EXD3: variants seen among roughly 807,000 people sequenced by gnomAD.
EXD3 encodes the protein exonuclease 3'-5' domain containing 3, also known as exonuclease mut-7 homolog.
EXD3 carries 92 observed loss-of-function variants against 98.0 expected under a neutral mutation model. The observed-to-expected ratio is 0.94, with a 90% confidence interval of 0.79 to 1.12. The LOEUF (loss-of-function observed/expected upper bound fraction) is 1.12, where lower values mean the gene tolerates loss of function less well. Among genes scored for constraint, EXD3 ranks in the 50% most tolerant of loss-of-function variants. EXD3 has a pLI of 0.00. For missense variants in EXD3, 1,222 were observed against 1,191.6 expected (o/e 1.03, Z -0.38); for synonymous variants, 569 against 526.0 (o/e 1.08, Z -1.12).
intron 2 of EXD3, among the ~76,000 whole-genome samples, chr9:137,384,853 A>G (rs540498896): frequency 1.3e-5 from 2 of 152,326 alleles, no homozygotes; most frequent in South Asian, 2.1e-4. Context: ...GCACTTTGGG[A>G]GGCCGAGGCA....
chr9:137,349,182 C>T lies in EXD3; in HGVS notation c.1758G>A (p.Arg586=), dbSNP rs1486136765. 1.3e-6 allele frequency: 2 copies of T among 1,591,116 alleles called. No individual in the cohort carries two copies. Among genetic ancestry groups the T allele is most frequent in the Non-Finnish European group, 1.7e-6 (2 of 1,174,776 alleles). The change falls in exon 16 of 22, where the codon AGG becomes AGA. Residue 586 remains arginine (R), a synonymous_variant. Coordinates refer to ENST00000340951, the MANE Select transcript of EXD3 (RefSeq NM_017820.5). The surrounding 1 kb of genome is among the most constrained non-coding windows in gnomAD (Gnocchi z 7.4). ...SEDLAGSRRP[R]HRERPGARKP... ...TCCGTGCCCCTGGTCTCTCTCTGTGCCTGGGCCTCCGGCTCCCAGCCAGGT... is the reference window on the plus strand; with the variant it reads ...TCCGTGCCCCTGGTCTCTCTCTGTGTCTGGGCCTCCGGCTCCCAGCCAGGT...
Position 137,371,693 on chromosome 9 carries a change from G to A in EXD3, c.462+1212C>T, listed in dbSNP as rs1564521612. Among the ~76,000 whole-genome samples, 1 of 150,610 alleles carries A rather than the reference G, an allele frequency of 6.6e-6. No homozygotes were observed. The highest frequency in any genetic ancestry group is 6.6e-5 in the Admixed American group (1 of 15,122). ...GAGCACCCCCAGGCCAGGCACCCCC[G>A]GGGCTGGGCACCCCCAGGCAGGACA... On this transcript the variant is annotated intron_variant, in intron 5 of 21. Transcript: ENST00000340951. The surrounding 1 kb of genome is among the most constrained non-coding windows in gnomAD (Gnocchi z 8.0).
chr9:137,313,663 T>C (rs1831482503), intron 19 of EXD3, among the ~76,000 whole-genome samples: 1 of 152,106 alleles, frequency 6.6e-6, no homozygotes, highest in Non-Finnish European at 1.5e-5. Context: ...GCTGGGGCCC[T>C]GGCCTGGGTG....
Position 137,395,550 on chromosome 9 carries a change from C to A in EXD3, c.-47-146G>T. On this transcript the variant is annotated intron_variant, in intron 1 of 21. Coordinates refer to ENST00000340951, the MANE Select transcript of EXD3 (RefSeq NM_017820.5). This position sits in a 1 kb window ranked among gnomAD's most constrained non-coding sequence, Gnocchi z 6.5. ...ACCCCCAGTCGCTGAGCATAGCGGGCAGCTCCACACTCCTCTCCCAGCTGG... is the reference window on the plus strand; with the variant it reads ...ACCCCCAGTCGCTGAGCATAGCGGGAAGCTCCACACTCCTCTCCCAGCTGG... 2 of 691,148 alleles carry A rather than the reference C, an allele frequency of 2.9e-6. No homozygotes were observed. Among genetic ancestry groups the A allele is most frequent in the Non-Finnish European group, 4.8e-6 (2 of 413,992 alleles). The allele number at this position is 691,148 out of a possible 1,614,324, so 42.8% of individuals were successfully genotyped here.
rs1834029682 is a variant in EXD3, at chr9:137,348,114, G to A, written c.1955C>T (p.Ala652Val). ...GTCTTCACCATTGCCCAGCATGCGTGCATCCACACCGAGACAGCGGAGGCT... is the reference window on the plus strand; with the variant it reads ...GTCTTCACCATTGCCCAGCATGCGTACATCCACACCGAGACAGCGGAGGCT... ...ARSLRCLGVD[A>V]RMLGNGEDHR... Residue 652 changes from alanine (A) to valine (V), a missense_variant, in exon 17 of 22, where the codon GCA (alanine) becomes GTA (valine). Physicochemically the swap from Ala to Val is moderately conservative, Grantham distance 64 (BLOSUM62 0). Transcript: ENST00000340951. 4 of 1,612,008 alleles carry A rather than the reference G, an allele frequency of 2.5e-6. No homozygotes were observed.
At chr9:137,339,920 A>C (rs577333181) in intron 17 of EXD3, among the ~76,000 whole-genome samples, 25 of 152,338 alleles carry the variant, frequency 1.6e-4, no homozygotes, top group African/African-American at 5.5e-4. Flanking sequence ...AAAAGATATA[A>C]GGATTGGAAA....
At chr9:137,354,546 C>T (rs1276724870) in intron 9 of EXD3, 154 bp downstream of exon 9, 3 of 1,535,996 alleles carry the variant, frequency 2.0e-6, no homozygotes, top group African/African-American at 1.4e-5. Flanking sequence ...CTCCCCTTCA[C>T]CCAGGCCTGG....
rs374214809 is a variant in EXD3 at position 137,351,471 on chromosome 9, G to A, written c.1231C>T (p.Arg411Trp). The change falls in exon 13 of 22, where the codon CGG becomes TGG. Residue 411 changes from arginine (R) to tryptophan (W), a missense_variant. Physicochemically the swap from Arg to Trp is moderately radical, Grantham distance 101. Coordinates refer to ENST00000340951, the MANE Select transcript of EXD3 (RefSeq NM_017820.5). Reference protein sequence around the residue: ...EWTPVFVAGGRPRPSLLQVAV... With the variant: ...EWTPVFVAGGWPRPSLLQVAV... ...ACCTGCAGGAGTGACGGCCGAGGCC[G>A]GCCCCCAGCAACAAACACAGGTGTC... 1.6e-4 allele frequency: 256 copies of A among 1,600,184 alleles called. No homozygotes were observed. Among genetic ancestry groups the A allele is most frequent in the Non-Finnish European group, 2.1e-4 (246 of 1,174,976 alleles).
Position 137,395,257 on chromosome 9 carries a change from C to T in EXD3, c.55+46G>A. ...CCCCCCATGCACACCCACGCACCTC[C>T]CCCCACAGCCCCAGGGAGACTCGGC... On this transcript the variant is annotated intron_variant, in intron 2 of 21. Coordinates refer to ENST00000340951, the MANE Select transcript of EXD3 (RefSeq NM_017820.5). This position sits in a 1 kb window ranked among gnomAD's most constrained non-coding sequence, Gnocchi z 6.5. The T allele has an allele frequency of 1.9e-6, 3 of 1,569,156 alleles. No homozygotes were observed. The highest frequency in any genetic ancestry group is 2.6e-6 in the Non-Finnish European group (3 of 1,139,948).
intron 17 of EXD3, among the ~76,000 whole-genome samples, chr9:137,335,916 A>T (rs73581517): frequency 0.015 from 2,317 of 152,178 alleles, 36 homozygotes; most frequent in African/African-American, 0.051. Context: ...TGAGTGGATT[A>T]AAAAAATGTG....
intron 1 of EXD3, among the ~76,000 whole-genome samples, chr9:137,416,811 G>T (rs1838253114): frequency 6.6e-6 from 1 of 151,774 alleles, no homozygotes; most frequent in African/African-American, 2.4e-5. Flanking sequence ...TCGCGAGCTC[G>T]CAGGGGTGCT....
At chr9:137,314,144 C>T (rs35799288) in intron 19 of EXD3, among the ~76,000 whole-genome samples, 29,466 of 152,098 alleles carry the variant, frequency 0.19, 3,406 homozygotes, top group Middle Eastern at 0.27. Flanking sequence ...CTGGACAGGG[C>T]GAGCCAGCGG....
chr9:137,325,049 A>T (rs1351410259), intron 17 of EXD3, among the ~76,000 whole-genome samples: 1 of 152,166 alleles, frequency 6.6e-6, no homozygotes, highest in East Asian at 1.9e-4. Flanking sequence ...AAGCTTCAGT[A>T]TGAATTTCTG....
rs1195076777 is a variant in EXD3, at chr9:137,351,132, C to T, written c.1400G>A (p.Gly467Glu). 3 of 1,578,498 alleles carry T rather than the reference C, an allele frequency of 1.9e-6. No homozygotes were observed. The highest frequency in any genetic ancestry group is 1.8e-5 in the Admixed American group (1 of 55,034). ...GGACGTGCCCAGTTTTTGCAGGTCC[C>T]CCACCATCCCGTAGCCTGTGGGCAG... ...SITKLGYGMV[G>E]DLQKLGTSCP... is the part of the protein sequence containing the mutation. Residue 467 changes from glycine (G) to glutamate (E), a missense_variant, in exon 14 of 22, where the codon GGG becomes GAG. Coordinates refer to ENST00000340951, the MANE Select transcript of EXD3 (RefSeq NM_017820.5).
intron 7 of EXD3, among the ~76,000 whole-genome samples, chr9:137,358,519 C>G (rs1208312349): frequency 1.3e-5 from 2 of 152,206 alleles, no homozygotes; most frequent in East Asian, 3.8e-4. Flanking sequence ...GTTCAGCACT[C>G]TCAGGCCTCC....
At chr9:137,337,632 C>A (rs1000106661) in intron 17 of EXD3, among the ~76,000 whole-genome samples, 7 of 150,924 alleles carry the variant, frequency 4.6e-5, no homozygotes, top group African/African-American at 1.7e-4. Flanking sequence ...GCCTGGGCGA[C>A]AGAGCGAGAT....
intron 7 of EXD3, among the ~76,000 whole-genome samples, chr9:137,363,806 T>G (rs1056909270): frequency 1.3e-5 from 2 of 152,166 alleles, no homozygotes; most frequent in African/African-American, 4.8e-5. Context: ...TTTGGTAAAT[T>G]GTATTTTTCA....
At chr9:137,341,495 C>T (rs1833651912) in intron 17 of EXD3, among the ~76,000 whole-genome samples, 2 of 151,640 alleles carry the variant, frequency 1.3e-5, no homozygotes, top group African/African-American at 2.4e-5. Flanking sequence ...ACCCAGGAAA[C>T]GGGGCTCAGG....
intron 19 of EXD3, among the ~76,000 whole-genome samples, chr9:137,310,305 G>T (rs1249555005): frequency 6.6e-6 from 1 of 152,154 alleles, no homozygotes; most frequent in East Asian, 1.9e-4. Flanking sequence ...ATGTAGTGGC[G>T]CAATCACAGC....
Sources: allele counts gnomAD v4.1 joint callset (sites outside exome capture counted in the v4.1 genomes callset), GRCh38; gene constraint gnomAD v4.1.1; non-coding constraint Gnocchi (gnomAD v3.1); transcripts MANE v1.5; gene names NCBI Gene and HGNC (gene_info 2026-07-23, HGNC 2026-07-21).